The following RAB6A variants were observed in gnomAD, a reference collection of about 807,000 sequenced individuals.
The protein encoded by RAB6A is ras-related protein Rab-6A.
In RAB6A, 8 loss-of-function variants were observed where a neutral mutation model predicts 32.3. That is an observed-to-expected ratio of 0.25 (90% CI 0.15 to 0.45). The LOEUF is 0.45. Ranked by LOEUF, RAB6A falls within the 20% of genes least tolerant of loss-of-function variation. The probability of loss-of-function intolerance (pLI) is 1.00; values close to 1 mark genes in which losing one functional copy is unlikely to be tolerated. For missense variants in RAB6A, 104 were observed against 249.4 expected (o/e 0.42, Z 3.93); for synonymous variants, 73 against 82.1 (o/e 0.89, Z 0.60).
intron 5 of RAB6A, among the ~76,000 whole-genome samples, chr11:73,710,965 G>A (rs539114212): frequency 3.3e-5 from 5 of 152,088 alleles, no homozygotes; most frequent in South Asian, 4.2e-4. Context: ...ATAGTTTAAC[G>A]GCTATACAGG....
intron 5 of RAB6A, among the ~76,000 whole-genome samples, chr11:73,707,948 A>G (rs1427392488): frequency 6.6e-6 from 1 of 152,184 alleles, no homozygotes; most frequent in Admixed American, 6.5e-5. Context: ...CTTTCCCTTA[A>G]TATCAGACCA....
At chr11:73,717,006 TA>T (rs917935135) in intron 4 of RAB6A, among the ~76,000 whole-genome samples, 10 of 151,468 alleles carry the variant, frequency 6.6e-5, no homozygotes, top group African/African-American at 2.4e-4. Flanking sequence ...TTTGTGGATT[TA>T]AAAAAAAATA....
At chr11:73,707,202 T>C (rs527659964) in intron 6 of RAB6A, among the ~76,000 whole-genome samples, 1 of 152,312 alleles carries the variant, frequency 6.6e-6, no homozygotes, top group African/African-American at 2.4e-5. Context: ...ATGGTAGATT[T>C]ACCACTTTGC....
intron 7 of RAB6A, 136 bp downstream of exon 7, chr11:73,679,518 C>T: frequency 9.2e-7 from 1 of 1,081,140 alleles, no homozygotes; most frequent in Non-Finnish European, 1.4e-6. Context: ...CTATAGAAAA[C>T]AAATGAATTT....
chr11:73,706,450 C>T (rs987275309), intron 6 of RAB6A, among the ~76,000 whole-genome samples: 1 of 151,476 alleles, frequency 6.6e-6, no homozygotes, highest in South Asian at 2.1e-4. Flanking sequence ...GGAGGTGAAG[C>T]TTGCAGTGAG....
At chr11:73,686,510 G>A (rs772841480) in intron 6 of RAB6A, among the ~76,000 whole-genome samples, 5 of 151,838 alleles carry the variant, frequency 3.3e-5, no homozygotes, top group Admixed American at 6.6e-5. Flanking sequence ...CCCAGAGATC[G>A]CGCCACTGCA....
intron 1 of RAB6A, among the ~76,000 whole-genome samples, chr11:73,756,358 G>C (rs1243721173): frequency 6.6e-6 from 1 of 151,804 alleles, no homozygotes; most frequent in Non-Finnish European, 1.5e-5. Flanking sequence ...CGTCTCAAAA[G>C]AAAAACAACT....
At chr11:73,718,913 T>TAAAAAAAAAAAAAAAA in intron 3 of RAB6A, 195 bp from the exon 4 acceptor site, 1 of 1,165,908 alleles carries the variant, frequency 8.6e-7, no homozygotes. Flanking sequence ...AAAAAATAAA[T>TAAAAAAAAAAAAAAAA]AAAAAAAAAA....
intron 1 of RAB6A, among the ~76,000 whole-genome samples, chr11:73,736,809 G>GAAAAAAAAAA (rs756237159): frequency 6.8e-4 from 74 of 108,720 alleles, no homozygotes; most frequent in East Asian, 1.1e-3. Context: ...AAAAAAAAAA[G>GAAAAAAAAAA]AAAAAAAAAA....
At chr11:73,729,760 C>T (rs1412553156) in intron 2 of RAB6A, 1 of 152,432 alleles carries the variant, frequency 6.6e-6, no homozygotes, top group East Asian at 1.9e-4. Context: ...ACCAACCAAT[C>T]CAAAGCCAAT....
rs574061187 is a variant in RAB6A, at chr11:73,758,787, T to A, written c.70+1779A>T. Among the ~76,000 whole-genome samples the A allele has an allele frequency of 2.6e-5, 4 of 152,304 alleles. No individual in the cohort carries two copies. The East Asian group carries it at 7.7e-4, about 29-fold the overall frequency. On this transcript the variant is annotated intron_variant, in intron 1 of 7. Coordinates refer to ENST00000336083, the MANE Select transcript of RAB6A (RefSeq NM_198896.2). ...TAGAATGCACAATAAGCACTTTGGATCCTTTTTATCAATAATAACCAATAA... is the reference window on the plus strand; with the variant it reads ...TAGAATGCACAATAAGCACTTTGGAACCTTTTTATCAATAATAACCAATAA...
At chr11:73,752,786 C>G (rs1231837956) in intron 1 of RAB6A, among the ~76,000 whole-genome samples, 1 of 147,868 alleles carries the variant, frequency 6.8e-6, no homozygotes, top group African/African-American at 2.5e-5. Context: ...CCACTGCACT[C>G]AAGCCTGGGT....
Position 73,716,361 on chromosome 11 carries a change from A to G in RAB6A, c.291T>C (p.Asn97=), listed in dbSNP as rs759189012. The G allele has an allele frequency of 5.6e-6, 9 of 1,605,008 alleles. No individual in the cohort carries two copies. In the Admixed American group the frequency reaches 1.3e-4, roughly 24 times the overall value. The change falls in exon 5 of 8, where the codon AAT becomes AAC. Residue 97 remains asparagine, a splice_region_variant and synonymous_variant. Transcript: ENST00000336083. ...TTGTAGTTTGCTGGAATGAGTTAAC[A>G]TCTAGTATAGGAGGGTAGACAGAGA... ...TVAVVVYDIT[N]VNSFQQTTKW... is the part of the protein sequence containing the mutation.
chr11:73,747,454 C>T (rs1946608578), intron 1 of RAB6A, among the ~76,000 whole-genome samples: 1 of 151,520 alleles, frequency 6.6e-6, no homozygotes, highest in South Asian at 2.1e-4. Context: ...CCGCCCCGCC[C>T]CCGGCCTCCC....
At chr11:73,740,103 A>G (rs1403849155) in intron 1 of RAB6A, among the ~76,000 whole-genome samples, 1 of 152,066 alleles carries the variant, frequency 6.6e-6, no homozygotes, top group Admixed American at 6.6e-5. Context: ...ATTAGTCTAC[A>G]ATCTATAACT....
chr11:73,712,886 T>C (rs1263400477), intron 5 of RAB6A, among the ~76,000 whole-genome samples: 1 of 152,028 alleles, frequency 6.6e-6, no homozygotes, highest in Non-Finnish European at 1.5e-5. Flanking sequence ...CCTGGCTAAT[T>C]TTTATATTTT....
chr11:73,760,673 G>C lies in RAB6A; in HGVS notation c.-38C>G. On this transcript the variant is annotated 5_prime_UTR_variant, in exon 1 of 8. Coordinates refer to ENST00000336083, the MANE Select transcript of RAB6A (RefSeq NM_198896.2). The stretch of plus-strand genomic sequence containing the variant: ...GGAGCGGCCGCCGCCTCAGCCTAGA[G>C]ACCTCCCGGACCGATGCTGCTCCAG... 1.3e-6 allele frequency: 2 copies of C among 1,587,672 alleles called. No individual in the cohort carries two copies. The highest frequency in any genetic ancestry group is 1.7e-6 in the Non-Finnish European group (2 of 1,167,536).
At chr11:73,693,368 T>A (rs960406435) in intron 6 of RAB6A, among the ~76,000 whole-genome samples, 27 of 152,016 alleles carry the variant, frequency 1.8e-4, no homozygotes, top group African/African-American at 6.3e-4. Context: ...TTGGAATGAA[T>A]GAAAGTTAAG....
At chr11:73,756,872 C>T (rs547382871) in intron 1 of RAB6A, among the ~76,000 whole-genome samples, 2 of 151,240 alleles carry the variant, frequency 1.3e-5, no homozygotes, top group Non-Finnish European at 3.0e-5. Flanking sequence ...TGGGATTTTG[C>T]CATGTTGGCC....
Sources: gnomAD v4.1 joint callset for allele counts (sites outside exome capture counted in the v4.1 genomes callset) on GRCh38, gnomAD v4.1.1 for gene constraint, MANE v1.5 for transcripts, NCBI Gene and HGNC (gene_info 2026-07-23, HGNC 2026-07-21) for gene names.